Variants in KANK1 observed in about 807,000 individuals in gnomAD.
The protein encoded by KANK1 is KN motif and ankyrin repeat domain-containing protein 1.
KANK1 carries 109 observed loss-of-function variants against 106.2 expected under a neutral mutation model. That is an observed-to-expected ratio of 1.03 (90% CI 0.88 to 1.20). The LOEUF (loss-of-function observed/expected upper bound fraction) is 1.20. Ranked by LOEUF, KANK1 falls within the 50% of genes most tolerant of loss-of-function variation. The pLI, the probability that KANK1 is intolerant of heterozygous loss-of-function variation, is 0.00. For missense variants in KANK1, 2,399 were observed against 1,710.7 expected, an observed-to-expected ratio of 1.40 and a Z score of -7.10; for synonymous variants, 873 against 652.2, an observed-to-expected ratio of 1.34 and a Z score of -5.16.
intron 1 of KANK1, chr9:470,446 T>G (rs1171019911): frequency 6.6e-6 from 1 of 151,366 alleles, no homozygotes; most frequent in African/African-American, 2.4e-5. Context: ...GGGAAAGGAG[T>G]AGAACTGGGA....
At chr9:688,592 C>T (rs1390618080) in intron 2 of KANK1, among the ~76,000 whole-genome samples, 2 of 137,266 alleles carry the variant, frequency 1.5e-5, no homozygotes, top group African/African-American at 5.9e-5. Flanking sequence ...GAGCGAGACT[C>T]TGTCTCAAAA....
chr9:727,679 CATGTGTGT>C (rs1430216516), intron 3 of KANK1, among the ~76,000 whole-genome samples: 6 of 121,836 alleles, frequency 4.9e-5, no homozygotes, highest in African/African-American at 2.3e-4. Context: ...GATAACTTTT[CATGTGTGT>C]GTGTGTGTGT....
intron 1 of KANK1, among the ~76,000 whole-genome samples, chr9:663,162 AAAAT>A (rs1174054296): frequency 6.6e-6 from 1 of 152,132 alleles, no homozygotes; most frequent in Non-Finnish European, 1.5e-5. Flanking sequence ...TGCTAAGCAG[AAAAT>A]AAATGAGAAC....
chr9:667,823 C>T (rs1172014608), intron 1 of KANK1, among the ~76,000 whole-genome samples: 1 of 151,518 alleles, frequency 6.6e-6, no homozygotes, highest in African/African-American at 2.4e-5. Flanking sequence ...CCTCCACCTC[C>T]TGGGTTCAAG....
At chr9:544,487 A>T (rs1393660111) in intron 1 of KANK1, among the ~76,000 whole-genome samples, 2 of 152,172 alleles carry the variant, frequency 1.3e-5, no homozygotes, top group Non-Finnish European at 1.5e-5. Context: ...CAAATTTGAG[A>T]TGAGCAATTA....
At chr9:676,865 G>A (rs959196274) in intron 1 of KANK1, 25 bp from the exon 2 acceptor site, 18 of 800,596 alleles carry the variant, frequency 2.2e-5, no homozygotes, top group Non-Finnish European at 1.9e-5. Context: ...GATCCATTTT[G>A]ATGGGGCTCT....
chr9:638,439 G>A (rs1036746524), intron 1 of KANK1, among the ~76,000 whole-genome samples: 4 of 152,100 alleles, frequency 2.6e-5, no homozygotes, highest in Non-Finnish European at 4.4e-5. Flanking sequence ...TAACTAACTT[G>A]TTACCCTCTG....
At chr9:534,261 G>C (rs1281579431) in intron 1 of KANK1, among the ~76,000 whole-genome samples, 1 of 152,178 alleles carries the variant, frequency 6.6e-6, no homozygotes, top group Non-Finnish European at 1.5e-5. Context: ...TGTGAATGTT[G>C]AACAATGGAA....
intron 1 of KANK1, among the ~76,000 whole-genome samples, chr9:664,905 T>G (rs78374113): frequency 0.054 from 8,266 of 152,268 alleles, 251 homozygotes; most frequent in African/African-American, 0.07. Flanking sequence ...TGGTTTTGAT[T>G]TGCATTTTCT....
At chr9:600,124 T>G (rs1827353978) in intron 1 of KANK1, among the ~76,000 whole-genome samples, 1 of 151,808 alleles carries the variant, frequency 6.6e-6, no homozygotes, top group Non-Finnish European at 1.5e-5. Flanking sequence ...ACATTCACAT[T>G]ATTGCGCAAC....
intron 1 of KANK1, among the ~76,000 whole-genome samples, chr9:509,775 C>G (rs1233413564): frequency 6.6e-6 from 1 of 152,096 alleles, no homozygotes; most frequent in African/African-American, 2.4e-5. Context: ...ATCCTTGAAC[C>G]TAATATGGAA....
intron 1 of KANK1, among the ~76,000 whole-genome samples, chr9:551,260 C>G (rs1482867671): frequency 6.6e-6 from 1 of 151,524 alleles, no homozygotes; most frequent in Non-Finnish European, 1.5e-5. Context: ...TTGCCTGTTT[C>G]CCTCTTTTTG....
chr9:611,804 C>T (rs923765672), intron 1 of KANK1, among the ~76,000 whole-genome samples: 1 of 152,118 alleles, frequency 6.6e-6, no homozygotes, highest in East Asian at 1.9e-4. Flanking sequence ...CTGCAACCTC[C>T]GCCTCCCGGG....
chr9:533,934 A>G (rs1211192117), intron 1 of KANK1, among the ~76,000 whole-genome samples: 2 of 152,188 alleles, frequency 1.3e-5, no homozygotes, highest in Non-Finnish European at 2.9e-5. Flanking sequence ...GGACCTGGAG[A>G]TTGACTAGCT....
intron 1 of KANK1, among the ~76,000 whole-genome samples, chr9:662,257 T>C (rs945376550): frequency 6.6e-6 from 1 of 152,280 alleles, no homozygotes. Flanking sequence ...CTGCCCAAGG[T>C]AATTTATAGG....
intron 1 of KANK1, among the ~76,000 whole-genome samples, chr9:652,641 GGTT>G (rs1358018608): frequency 6.6e-4 from 101 of 152,304 alleles, no homozygotes; most frequent in Non-Finnish European, 2.4e-4. Context: ...AGAGAGATGT[GGTT>G]GTTATCTTAG....
At chr9:592,743 T>A (rs1330547791) in intron 1 of KANK1, among the ~76,000 whole-genome samples, 1 of 151,996 alleles carries the variant, frequency 6.6e-6, no homozygotes, top group Non-Finnish European at 1.5e-5. Flanking sequence ...AAAATTAATT[T>A]CTTTCCCAAA....
At chr9:595,857 A>G (rs1198709089) in intron 1 of KANK1, among the ~76,000 whole-genome samples, 1 of 151,916 alleles carries the variant, frequency 6.6e-6, no homozygotes, top group African/African-American at 2.4e-5. Flanking sequence ...TAGAAGAATT[A>G]TTAATTTCCA....
intron 1 of KANK1, among the ~76,000 whole-genome samples, chr9:596,047 A>G (rs995688796): frequency 4.0e-5 from 6 of 151,854 alleles, no homozygotes; most frequent in African/African-American, 1.5e-4. Context: ...TATGTTTCAT[A>G]TACACCTTAT....
Sources: gnomAD v4.1 joint callset for allele counts (sites outside exome capture counted in the v4.1 genomes callset) on GRCh38, gnomAD v4.1.1 for gene constraint, MANE v1.5 for transcripts, NCBI Gene and HGNC (gene_info 2026-07-23, HGNC 2026-07-21) for gene names.